NELL2: variants seen among roughly 807,000 people sequenced by gnomAD.
NELL2 encodes protein kinase C-binding protein NELL2.
Under a neutral mutation model 109.6 loss-of-function variants are expected in NELL2, and 41 were observed. That is an observed-to-expected ratio of 0.37 (90% confidence interval 0.29 to 0.49). The LOEUF is 0.49. NELL2 is among the 20% of genes least tolerant of loss of function. The probability of loss-of-function intolerance (pLI) is 0.98; values close to 1 mark genes in which losing one functional copy is unlikely to be tolerated. For synonymous variants in NELL2, 355 were observed against 344.7 expected (o/e 1.03, Z -0.33); for missense variants, 900 against 1,008.3 (o/e 0.89, Z 1.45).
chr12:44,879,295 C>A (rs968716791), upstream of NELL2, among the ~76,000 whole-genome samples: 1 of 152,108 alleles, frequency 6.6e-6, no homozygotes, highest in African/African-American at 2.4e-5. Context: ...AACAACCATC[C>A]GTAAGATAAT....
At chr12:44,517,920 C>T (rs1941347332) in intron 19 of NELL2, among the ~76,000 whole-genome samples, 1 of 152,044 alleles carries the variant, frequency 6.6e-6, no homozygotes, top group South Asian at 2.1e-4. Flanking sequence ...TTTCAAAGCA[C>T]TAAATTGTGA....
chr12:44,906,782 A>C (rs1379536879), intron 1 of NELL2, among the ~76,000 whole-genome samples: 2 of 152,104 alleles, frequency 1.3e-5, no homozygotes, highest in Non-Finnish European at 2.9e-5. Context: ...ATATGTCCAA[A>C]TAGAAATACT....
At chr12:44,617,707 A>AAAAAAAAAAAAAAAAG (rs1566026876) in intron 13 of NELL2, among the ~76,000 whole-genome samples, 1 of 103,506 alleles carries the variant, frequency 9.7e-6, no homozygotes, top group Non-Finnish European at 1.9e-5. Flanking sequence ...AAAAAAAAAA[A>AAAAAAAAAAAAAAAAG]AAAAAAGAAA....
chr12:44,617,938 T>C (rs1945901956), intron 13 of NELL2, among the ~76,000 whole-genome samples: 1 of 152,052 alleles, frequency 6.6e-6, no homozygotes, highest in African/African-American at 2.4e-5. Context: ...TGAAATCAAA[T>C]CTATTTTGGA....
chr12:44,723,059 G>T (rs914730407), intron 9 of NELL2, among the ~76,000 whole-genome samples: 4 of 151,964 alleles, frequency 2.6e-5, no homozygotes, highest in African/African-American at 4.8e-5. Context: ...CATGGTGGTG[G>T]GCGCCTGTAG....
chr12:44,512,489 G>T (rs1035014284), intron 19 of NELL2, among the ~76,000 whole-genome samples: 1 of 146,396 alleles, frequency 6.8e-6, no homozygotes, highest in African/African-American at 2.6e-5. Context: ...TTTACTGAAA[G>T]GAAAAAAAAA....
chr12:44,644,566 C>T (rs1427755673), intron 13 of NELL2, among the ~76,000 whole-genome samples: 1 of 112,696 alleles, frequency 8.9e-6, no homozygotes, highest in Non-Finnish European at 1.8e-5. Flanking sequence ...ACATCCTATA[C>T]CAGACAAAGT....
At chr12:44,601,110 TTTC>T (rs1156630070) in intron 15 of NELL2, among the ~76,000 whole-genome samples, 2 of 152,168 alleles carry the variant, frequency 1.3e-5, no homozygotes, top group East Asian at 3.9e-4. Flanking sequence ...ACTTGGCTTT[TTTC>T]TTTTTCTTGG....
At chr12:44,720,031 C>T (rs61307438) in intron 9 of NELL2, among the ~76,000 whole-genome samples, 10,797 of 50,158 alleles carry the variant, frequency 0.22, 1,243 homozygotes, top group African/African-American at 0.4. Context: ...CTGCCTACAA[C>T]CTTTTTTTGT....
chr12:44,856,532 C>T (rs976223743), intron 2 of NELL2, among the ~76,000 whole-genome samples: 48 of 152,178 alleles, frequency 3.2e-4, no homozygotes, highest in African/African-American at 1.1e-3. Flanking sequence ...CTGAGAAAAA[C>T]GTTTGAAAGA....
At chr12:44,644,616 A>G (rs1304659310) in intron 13 of NELL2, among the ~76,000 whole-genome samples, 1 of 96,284 alleles carries the variant, frequency 1.0e-5, no homozygotes, top group African/African-American at 4.1e-5. Context: ...ATGTATATAT[A>G]TATATATATA....
At chr12:44,856,812 A>T (rs1181400501) in intron 2 of NELL2, among the ~76,000 whole-genome samples, 1 of 152,212 alleles carries the variant, frequency 6.6e-6, no homozygotes, top group Non-Finnish European at 1.5e-5. Flanking sequence ...AACCCCTGAA[A>T]GCTTGGAGCA....
chr12:44,851,500 GAAGTC>G (rs559381836), intron 2 of NELL2, among the ~76,000 whole-genome samples: 260 of 152,240 alleles, frequency 1.7e-3, no homozygotes, highest in Admixed American at 3.8e-3. Context: ...TGATATAAAT[GAAGTC>G]AAGTATGATC....
In NELL2 at chr12:44,571,697, T is replaced by C. The variant is rs1266396493; in HGVS notation, c.1663+35472A>G. On this transcript the variant is annotated intron_variant, in intron 15 of 19. Transcript: ENST00000429094. Reference sequence around the variant, plus strand: ...AAACACCAAAATGAGTTTTGAAGCATTTCAGCATCATATGTGCAATATGAG... The same window carrying C: ...AAACACCAAAATGAGTTTTGAAGCACTTCAGCATCATATGTGCAATATGAG... 3.3e-5 allele frequency among the ~76,000 whole-genome samples: 5 copies of C among 152,376 alleles called. No homozygotes were observed. In the East Asian group the frequency reaches 9.6e-4, roughly 29 times the overall value.
intron 2 of NELL2, among the ~76,000 whole-genome samples, chr12:44,869,686 T>C (rs1945108599): frequency 6.6e-6 from 1 of 152,200 alleles, no homozygotes; most frequent in Non-Finnish European, 1.5e-5. Flanking sequence ...CTATGAGTCA[T>C]ATGTTCTTCA....
At chr12:44,586,949 T>C (rs889681432) in intron 15 of NELL2, among the ~76,000 whole-genome samples, 3 of 151,956 alleles carry the variant, frequency 2.0e-5, no homozygotes, top group South Asian at 2.1e-4. Context: ...TCATCTAACA[T>C]CAGTAGTTGA....
intron 13 of NELL2, among the ~76,000 whole-genome samples, chr12:44,633,652 A>G (rs915775829): frequency 1.3e-5 from 2 of 152,162 alleles, no homozygotes; most frequent in Admixed American, 1.3e-4. Flanking sequence ...GAAATTAAAG[A>G]TTCTTCCAGA....
intron 13 of NELL2, among the ~76,000 whole-genome samples, chr12:44,632,032 T>C (rs1476651293): frequency 2.0e-5 from 3 of 152,114 alleles, no homozygotes; most frequent in East Asian, 3.9e-4. Context: ...GGCCAATCAA[T>C]CCATGAAATT....
chr12:44,875,031 G>C, intron 2 of NELL2, 194 bp downstream of exon 2: 1 of 651,248 alleles, frequency 1.5e-6, no homozygotes, highest in South Asian at 2.3e-5. Context: ...AAAGTACGAA[G>C]GAGAAGGGTG....
Sources: allele counts gnomAD v4.1 joint callset (sites outside exome capture counted in the v4.1 genomes callset), GRCh38; gene constraint gnomAD v4.1.1; transcripts MANE v1.5; gene names NCBI Gene and HGNC (gene_info 2026-07-23, HGNC 2026-07-21).